The following HIVEP1 variants were observed in gnomAD, a reference collection of about 807,000 sequenced individuals.
HIVEP1 encodes the protein HIVEP zinc finger 1.
Under a neutral mutation model 180.0 loss-of-function variants are expected in HIVEP1, and 36 were observed. The observed-to-expected ratio is 0.20, with a 90% CI of 0.15 to 0.26. The LOEUF is 0.26. Ranked by LOEUF, HIVEP1 falls within the 10% of genes least tolerant of loss-of-function variation. The probability of loss-of-function intolerance (pLI) is 1.00; values close to 1 mark genes in which losing one functional copy is unlikely to be tolerated. For missense variants in HIVEP1, 3,143 were observed against 3,268.7 expected (o/e 0.96, Z 0.94); for synonymous variants, 1,239 against 1,239.0 (o/e 1.00, Z 0.00).
chr6:12,094,970 A>AT (rs918809126), intron 3 of HIVEP1, among the ~76,000 whole-genome samples: 2 of 151,806 alleles, frequency 1.3e-5, no homozygotes, highest in Admixed American at 1.3e-4. Flanking sequence ...CAAACATTCT[A>AT]TTTTCTCTTC....
chr6:12,084,182 G>T (rs934621079), intron 2 of HIVEP1, among the ~76,000 whole-genome samples: 1 of 152,094 alleles, frequency 6.6e-6, no homozygotes, highest in Non-Finnish European at 1.5e-5. Flanking sequence ...CCTCATTCTG[G>T]ATCAGTTTGG....
Position 12,075,236 on chromosome 6 carries a change from T to C in HIVEP1, c.41-13948T>C, listed in dbSNP as rs184829129. ...TTTAGATTTTGTATCTTGAAGGCTT[T>C]CCAATTTTCAGATTCTTAAAGGGGA... is the stretch of plus-strand genomic sequence containing the variant. On this transcript the variant is annotated intron_variant, in intron 2 of 8. Coordinates refer to ENST00000379388, the MANE Select transcript of HIVEP1 (RefSeq NM_002114.4). Among the ~76,000 whole-genome samples, 932 of 152,326 alleles carry C rather than the reference T, an allele frequency of 6.1e-3. 2 individuals carry two copies. Among genetic ancestry groups the C allele is most frequent in the Non-Finnish European group, 1.0e-2 (678 of 68,022 alleles).
At chr6:12,027,676 C>G (rs1208813432) in intron 2 of HIVEP1, among the ~76,000 whole-genome samples, 1 of 152,350 alleles carries the variant, frequency 6.6e-6, no homozygotes, top group Middle Eastern at 3.4e-3. Context: ...GGTGCGCCTT[C>G]TGACAAATGA....
At chr6:12,044,269 T>A (rs1375044473) in intron 2 of HIVEP1, among the ~76,000 whole-genome samples, 3 of 152,236 alleles carry the variant, frequency 2.0e-5, no homozygotes, top group Non-Finnish European at 4.4e-5. Context: ...TAGGGATCAA[T>A]TTATGGACTT....
the HIVEP1 span, among the ~76,000 whole-genome samples, chr6:12,201,908 T>C: frequency 1.3e-5 from 2 of 152,190 alleles, no homozygotes; most frequent in Admixed American, 1.3e-4. Flanking sequence ...GAGAATGCCA[T>C]TAAAATAAGC....
the HIVEP1 span, among the ~76,000 whole-genome samples, chr6:12,184,478 C>T: frequency 1.3e-5 from 2 of 152,178 alleles, no homozygotes; most frequent in African/African-American, 4.8e-5. Context: ...ATATTTTGAT[C>T]TGTATTTATT....
chr6:12,033,297 A>G (rs897359209), intron 2 of HIVEP1, among the ~76,000 whole-genome samples: 2 of 151,578 alleles, frequency 1.3e-5, no homozygotes, highest in Admixed American at 6.6e-5. Flanking sequence ...TTATCAGTTC[A>G]TGACCCCATT....
rs746065154 is a variant in HIVEP1, at chr6:12,123,916, C to T, written c.4121C>T (p.Thr1374Met). ...ACTGCATCAGAACAGATTAATTGCA[C>T]GCAAACGTCAATGGAGGTCTCTGAT... ...RRTASEQINC[T>M]QTSMEVSDLR... Residue 1374 changes from threonine (T) to methionine (M), a missense_variant, in exon 4 of 9, where the codon ACG becomes ATG. Around this residue, in one of 12 missense-constraint regions of HIVEP1, gnomAD observed 1,357 missense variants for 1,260.5 expected, o/e 1.08. Transcript: ENST00000379388. The T allele has an allele frequency of 3.7e-5, 59 of 1,613,954 alleles. No individual in the cohort carries two copies. The highest frequency in any genetic ancestry group is 1.6e-4 in the Middle Eastern group (1 of 6,082).
At chr6:12,151,013 T>C (rs1759671649) in intron 7 of HIVEP1, among the ~76,000 whole-genome samples, 2 of 152,196 alleles carry the variant, frequency 1.3e-5, no homozygotes, top group African/African-American at 4.8e-5. Flanking sequence ...ACTCCGACTC[T>C]TCCAGCAGGT....
chr6:12,078,813 G>A (rs778418360), intron 2 of HIVEP1, among the ~76,000 whole-genome samples: 1 of 151,892 alleles, frequency 6.6e-6, no homozygotes, highest in Non-Finnish European at 1.5e-5. Context: ...AAAAGCTGGA[G>A]GAGCATGCCA....
At chr6:12,167,058 A>C (rs372833409), downstream of HIVEP1, among the ~76,000 whole-genome samples, 1,860 of 100,802 alleles carry the variant, frequency 0.018, 55 homozygotes, top group African/African-American at 0.047. Flanking sequence ...AATGATAATT[A>C]TTTCTTTCGA....
rs1490542249 is a variant in HIVEP1 at position 12,121,964 on chromosome 6, C to T, written c.2169C>T (p.Pro723=). The T allele has an allele frequency of 6.2e-7, 1 of 1,614,170 alleles. No individual in the cohort carries two copies. Among genetic ancestry groups the T allele is most frequent in the Non-Finnish European group, 8.5e-7 (1 of 1,180,028 alleles). Residue 723 remains proline, a synonymous_variant, in exon 4 of 9, where the codon CCC becomes CCT. Coordinates refer to ENST00000379388, the MANE Select transcript of HIVEP1 (RefSeq NM_002114.4). The surrounding 1 kb of genome is among the most constrained non-coding windows in gnomAD (Gnocchi z 5.3). ...LVTTSTPSAL[P]TGEKALLLPG... ...CCACGTCAACACCCTCTGCTTTGCC[C>T]ACAGGGGAAAAGGCATTGCTTTTAC...
At chr6:12,077,532 C>G (rs572495328) in intron 2 of HIVEP1, among the ~76,000 whole-genome samples, 9 of 152,112 alleles carry the variant, frequency 5.9e-5, no homozygotes, top group African/African-American at 2.2e-4. Flanking sequence ...AAGTAAGGAG[C>G]CTTCTCAGGG....
chr6:12,121,889 C>G lies in HIVEP1; in HGVS notation c.2094C>G (p.Ser698Arg). Reference sequence around the variant, plus strand: ...CTCCCTTTGCCAGAAGGTTACCCAGCACAGAACAAGACTCTGGAAGGAGTA... The same window carrying G: ...CTCCCTTTGCCAGAAGGTTACCCAGGACAGAACAAGACTCTGGAAGGAGTA... ...PPTPFARRLP[S>R]TEQDSGRSNG... The change falls in exon 4 of 9, where the codon AGC becomes AGG. Residue 698 changes from serine (S) to arginine (R), a missense_variant. Ser to Arg is a moderately radical substitution (Grantham distance 110). Around this residue, in one of 12 missense-constraint regions of HIVEP1, gnomAD observed 365 missense variants for 344.4 expected, o/e 1.06. Transcript: ENST00000379388. This position sits in a 1 kb window ranked among gnomAD's most constrained non-coding sequence, Gnocchi z 5.3. 1 of 1,614,204 alleles carries G rather than the reference C, an allele frequency of 6.2e-7. No homozygotes were observed. The highest frequency in any genetic ancestry group is 8.5e-7 in the Non-Finnish European group (1 of 1,180,038).
chr6:12,089,858 A>G (rs1009024591), intron 3 of HIVEP1, among the ~76,000 whole-genome samples: 16 of 151,878 alleles, frequency 1.1e-4, no homozygotes, highest in African/African-American at 2.9e-4. Flanking sequence ...ATTTATATGT[A>G]TATATATATA....
intron 6 of HIVEP1, among the ~76,000 whole-genome samples, chr6:12,134,441 A>T (rs1287587216): frequency 6.6e-6 from 1 of 152,192 alleles, no homozygotes; most frequent in Non-Finnish European, 1.5e-5. Flanking sequence ...ATCAGCTTGT[A>T]CAGGGATGAC....
the HIVEP1 span, among the ~76,000 whole-genome samples, chr6:12,196,451 T>C: frequency 6.6e-6 from 1 of 152,360 alleles, no homozygotes; most frequent in African/African-American, 2.4e-5. Context: ...GGGTGTGGAC[T>C]AGGCATTCTC....
At chr6:12,117,078 T>C (rs1480544648) in intron 3 of HIVEP1, among the ~76,000 whole-genome samples, 1 of 152,082 alleles carries the variant, frequency 6.6e-6, no homozygotes, top group Non-Finnish European at 1.5e-5. Context: ...TTTAGAAAAT[T>C]GTAGAGAAAA....
At chr6:12,098,677 A>T (rs1773914308) in intron 3 of HIVEP1, among the ~76,000 whole-genome samples, 2 of 152,224 alleles carry the variant, frequency 1.3e-5, no homozygotes, top group East Asian at 3.9e-4. Context: ...AAACCTGAAG[A>T]ATATAATTTG....
Sources: allele counts gnomAD v4.1 joint callset (sites outside exome capture counted in the v4.1 genomes callset), GRCh38; gene constraint gnomAD v4.1.1; regional missense constraint gnomAD v4.1.1; non-coding constraint Gnocchi (gnomAD v3.1); transcripts MANE v1.5; gene names NCBI Gene and HGNC (gene_info 2026-07-23, HGNC 2026-07-21).